SFXN5: variants seen among roughly 807,000 people sequenced by gnomAD.
The protein encoded by SFXN5 is sideroflexin-5.
A neutral mutation model predicts 50.2 loss-of-function variants in SFXN5; 43 were observed. The observed-to-expected ratio is 0.86, with a 90% CI of 0.67 to 1.11. The LOEUF is 1.11. Ranked by LOEUF, SFXN5 falls within the 50% of genes least tolerant of loss-of-function variation. SFXN5 has a pLI of 0.00. For missense variants in SFXN5, 463 were observed against 454.1 expected, an observed-to-expected ratio of 1.02 and a Z score of -0.18; for synonymous variants, 203 against 185.8, an observed-to-expected ratio of 1.09 and a Z score of -0.75.
intron 10 of SFXN5, among the ~76,000 whole-genome samples, chr2:72,981,694 G>A (rs1409566689): frequency 3.3e-5 from 5 of 152,112 alleles, no homozygotes; most frequent in South Asian, 4.1e-4. Flanking sequence ...ACACAGCAGG[G>A]GCCCATGCCA....
In SFXN5 at chr2:72,960,728, T is replaced by C. The variant is rs1449967538; in HGVS notation, c.945+403A>G. 6.6e-6 allele frequency among the ~76,000 whole-genome samples: 1 copy of C among 152,168 alleles called. No individual in the cohort carries two copies. The highest frequency in any genetic ancestry group is 2.4e-5 in the African/African-American group (1 of 41,450). On this transcript the variant is annotated intron_variant, in intron 13 of 13. Transcript: ENST00000272433. This position sits in a 1 kb window ranked among gnomAD's most constrained non-coding sequence, Gnocchi z 6.1. Reference sequence around the variant, plus strand: ...GCAGACTTTGGTCAGCTCTTGGACATGGCGTGTGCTGCCTCACCTCTCAGA... The same window carrying C: ...GCAGACTTTGGTCAGCTCTTGGACACGGCGTGTGCTGCCTCACCTCTCAGA...
intron 13 of SFXN5, among the ~76,000 whole-genome samples, chr2:72,955,561 G>A (rs1673002721): frequency 6.6e-6 from 1 of 152,234 alleles, no homozygotes; most frequent in African/African-American, 2.4e-5. Flanking sequence ...ATGTGGGGAG[G>A]GGCCTTGGCC....
At chr2:72,985,116 C>A (rs1671748410) in intron 10 of SFXN5, among the ~76,000 whole-genome samples, 1 of 152,198 alleles carries the variant, frequency 6.6e-6, no homozygotes, top group African/African-American at 2.4e-5. Context: ...TAAATATGAT[C>A]ACTGCCACTT....
intron 6 of SFXN5, among the ~76,000 whole-genome samples, chr2:73,006,216 G>A (rs60292098): frequency 0.063 from 9,649 of 152,104 alleles, 960 homozygotes; most frequent in African/African-American, 0.21. Flanking sequence ...AGAGACAGGA[G>A]GGTACAGTCC....
intron 1 of SFXN5, among the ~76,000 whole-genome samples, chr2:73,065,128 G>A (rs962156219): frequency 6.6e-6 from 1 of 151,818 alleles, no homozygotes; most frequent in African/African-American, 2.4e-5. Context: ...CTGAGACAGG[G>A]TCTCACTCTG....
At chr2:73,012,059 C>A (rs1390032360) in intron 6 of SFXN5, among the ~76,000 whole-genome samples, 2 of 152,102 alleles carry the variant, frequency 1.3e-5, no homozygotes, top group Admixed American at 1.3e-4. Flanking sequence ...GTTATGGAGG[C>A]AAACTGCTAA....
chr2:73,059,374 C>T, intron 1 of SFXN5: 1 of 985,396 alleles, frequency 1.0e-6, no homozygotes, highest in Non-Finnish European at 1.2e-6. Flanking sequence ...GGGGTTCATG[C>T]CTCACTACAC....
chr2:72,957,115 C>T (rs772350137), intron 13 of SFXN5: 2 of 455,938 alleles, frequency 4.4e-6, no homozygotes, highest in South Asian at 3.1e-5. Context: ...TATAGTGGAC[C>T]ACATCCCCTT....
chr2:73,055,127 A>G (rs1681918109), intron 2 of SFXN5, among the ~76,000 whole-genome samples: 1 of 152,208 alleles, frequency 6.6e-6, no homozygotes, highest in Non-Finnish European at 1.5e-5. Flanking sequence ...GAGCTGGTCA[A>G]CTCCAGGGCT....
intron 6 of SFXN5, among the ~76,000 whole-genome samples, chr2:73,003,625 A>C (rs1221108791): frequency 6.6e-6 from 1 of 152,216 alleles, no homozygotes; most frequent in Non-Finnish European, 1.5e-5. Flanking sequence ...GTACAGACCC[A>C]CACTGCATGG....
At chr2:72,966,177 T>G (rs1559096550) in intron 12 of SFXN5, among the ~76,000 whole-genome samples, 1 of 152,172 alleles carries the variant, frequency 6.6e-6, no homozygotes, top group Non-Finnish European at 1.5e-5. Flanking sequence ...CAGCTTGCCT[T>G]GAGTGGTAGG....
chr2:73,068,974 T>G lies in SFXN5; in HGVS notation c.102+2630A>C, dbSNP rs142662306. 1.2e-3 allele frequency among the ~76,000 whole-genome samples: 169 copies of G among 144,502 alleles called. 1 individual carries two copies. Among genetic ancestry groups the G allele is most frequent in the African/African-American group, 4.0e-3 (154 of 38,706 alleles). 94.8% of individuals were successfully genotyped at this position (144,502 alleles called of 152,430 possible). ...GATGGCCCAGTGGTGGGAGGGAACGTGGTGGGTTCAGAGGCTGAAAAGCAG... is the reference window on the plus strand; with the variant it reads ...GATGGCCCAGTGGTGGGAGGGAACGGGGTGGGTTCAGAGGCTGAAAAGCAG... On this transcript the variant is annotated intron_variant, in intron 1 of 13. Coordinates refer to ENST00000272433, the MANE Select transcript of SFXN5 (RefSeq NM_144579.3).
chr2:73,014,120 G>A (rs1002299399), intron 6 of SFXN5, among the ~76,000 whole-genome samples: 7 of 151,996 alleles, frequency 4.6e-5, no homozygotes, highest in South Asian at 2.1e-4. Flanking sequence ...ATTCCACTGC[G>A]TGACTAAGCC....
At chr2:73,037,685 T>C (rs928309850) in intron 3 of SFXN5, among the ~76,000 whole-genome samples, 6 of 152,214 alleles carry the variant, frequency 3.9e-5, no homozygotes, top group Admixed American at 3.9e-4. Flanking sequence ...ATCAGGTTTT[T>C]CAACAGCTAT....
chr2:73,010,841 G>A (rs980234875), intron 6 of SFXN5, among the ~76,000 whole-genome samples: 1 of 152,072 alleles, frequency 6.6e-6, no homozygotes, highest in Non-Finnish European at 1.5e-5. Flanking sequence ...AACAACATAA[G>A]ATCACTATAT....
At chr2:72,965,571 C>A (rs1396410159) in intron 12 of SFXN5, among the ~76,000 whole-genome samples, 1 of 152,112 alleles carries the variant, frequency 6.6e-6, no homozygotes, top group Non-Finnish European at 1.5e-5. Context: ...TAAACATTCA[C>A]CCCTAGACAC....
At chr2:73,006,005 G>C (rs1417956878) in intron 6 of SFXN5, among the ~76,000 whole-genome samples, 1 of 152,098 alleles carries the variant, frequency 6.6e-6, no homozygotes, top group Non-Finnish European at 1.5e-5. Context: ...ATCACAGAAG[G>C]AATTTATTTC....
intron 10 of SFXN5, among the ~76,000 whole-genome samples, chr2:72,972,744 C>T (rs1236900687): frequency 6.6e-6 from 1 of 152,196 alleles, no homozygotes; most frequent in African/African-American, 2.4e-5. Context: ...TTCACTCCTC[C>T]CCCCAAAGCG....
chr2:72,974,841 TAGAG>T (rs1235678740), intron 10 of SFXN5, among the ~76,000 whole-genome samples: 1 of 123,406 alleles, frequency 8.1e-6, no homozygotes, highest in Admixed American at 8.4e-5. Flanking sequence ...AAGCAAATGA[TAGAG>T]AGAGAGAGAG....
Sources: gnomAD v4.1 joint callset for allele counts (sites outside exome capture counted in the v4.1 genomes callset) on GRCh38, gnomAD v4.1.1 for gene constraint, Gnocchi (gnomAD v3.1) non-coding constraint, MANE v1.5 for transcripts, NCBI Gene and HGNC (gene_info 2026-07-23, HGNC 2026-07-21) for gene names.